The following SYCP2 variants were observed in gnomAD, a reference collection of about 807,000 sequenced individuals.
The protein encoded by SYCP2 is synaptonemal complex protein 2, also known as synaptonemal complex lateral element protein.
SYCP2 carries 55 observed loss-of-function variants against 211.3 expected under a neutral mutation model. The ratio of observed to expected loss-of-function variants is 0.26; its 90% confidence interval spans 0.21 to 0.33. The LOEUF (loss-of-function observed/expected upper bound fraction) is 0.33, where lower values mean the gene tolerates loss of function less well. Among genes scored for constraint, SYCP2 ranks in the 10% least tolerant of loss-of-function variants. The probability of loss-of-function intolerance (pLI) is 1.00; values close to 1 mark genes in which losing one functional copy is unlikely to be tolerated. For synonymous variants in SYCP2, 570 were observed against 555.2 expected (o/e 1.03, Z -0.37); for missense variants, 1,731 against 1,752.0 (o/e 0.99, Z 0.21).
In SYCP2 at chr20:59,863,637, C is replaced by T. The variant is rs939917422; in HGVS notation, c.*674G>A. On this transcript the variant is annotated 3_prime_UTR_variant, in exon 45 of 45. Coordinates refer to ENST00000357552, the MANE Select transcript of SYCP2 (RefSeq NM_014258.4). Reference sequence around the variant, plus strand: ...ATTAAAAGCAAATCAAATGTATACTCATTTTTATAAATTAATCTAGCAAGA... The same window carrying T: ...ATTAAAAGCAAATCAAATGTATACTTATTTTTATAAATTAATCTAGCAAGA... 3.9e-5 allele frequency: 6 copies of T among 152,032 alleles called. No individual in the cohort carries two copies. Among genetic ancestry groups the T allele is most frequent in the Admixed American group, 3.3e-4 (5 of 15,262 alleles). 9.4% of individuals were successfully genotyped at this position (152,032 alleles called of 1,614,324 possible).
intron 15 of SYCP2, among the ~76,000 whole-genome samples, chr20:59,906,876 T>C (rs1056667246): frequency 6.6e-6 from 1 of 152,090 alleles, no homozygotes; most frequent in Admixed American, 6.5e-5. Flanking sequence ...AATATATGAA[T>C]GGCCAGAAAG....
intron 32 of SYCP2, 139 bp from the exon 33 acceptor site, chr20:59,877,694 T>C: frequency 1.3e-6 from 1 of 747,622 alleles, no homozygotes; most frequent in Non-Finnish European, 2.1e-6. Context: ...TACTTTAAAT[T>C]AATGGATTTT....
chr20:59,900,051 A>G (rs780993153), intron 18 of SYCP2, 87 bp downstream of exon 18: 3 of 1,377,388 alleles, frequency 2.2e-6, no homozygotes, highest in African/African-American at 2.9e-5. Flanking sequence ...TAATATATAA[A>G]TTCTAGATGC....
At chr20:59,915,698 ATATAAAG>A in intron 8 of SYCP2, 148 bp from the exon 9 acceptor site, 1 of 573,722 alleles carries the variant, frequency 1.7e-6, no homozygotes, top group Non-Finnish European at 3.1e-6. Context: ...AGGAAAGAAT[ATATAAAG>A]TATAAAATAG....
At chr20:59,924,844 C>G (rs1445500152) in intron 2 of SYCP2, among the ~76,000 whole-genome samples, 1 of 151,924 alleles carries the variant, frequency 6.6e-6, no homozygotes, top group East Asian at 1.9e-4. Context: ...AGAAACAGAC[C>G]TATACACATG....
chr20:59,930,601 T>C (rs145453232), intron 2 of SYCP2, among the ~76,000 whole-genome samples: 109 of 152,312 alleles, frequency 7.2e-4, no homozygotes, highest in African/African-American at 2.5e-3. Context: ...GAACATTCTG[T>C]AGTAGTAAGC....
At chr20:59,907,333 G>C in intron 15 of SYCP2, 31 bp downstream of exon 15, 1 of 1,441,802 alleles carries the variant, frequency 6.9e-7, no homozygotes, top group East Asian at 2.3e-5. Flanking sequence ...TAAGAATTAA[G>C]AAAATTATTA....
At chr20:59,931,143 T>G (rs2060732633) in intron 2 of SYCP2, among the ~76,000 whole-genome samples, 1 of 152,236 alleles carries the variant, frequency 6.6e-6, no homozygotes, top group South Asian at 2.1e-4. Context: ...CCTTGGCTGG[T>G]GGCTTATGTC....
intron 35 of SYCP2, among the ~76,000 whole-genome samples, chr20:59,872,762 A>G (rs566306605): frequency 6.6e-6 from 1 of 152,096 alleles, no homozygotes; most frequent in African/African-American, 2.4e-5. Flanking sequence ...AGAACTACAC[A>G]CATTTTCTAG....
At chr20:59,919,872 A>ATAATAGAAGGAAG (rs2060508903) in intron 5 of SYCP2, among the ~76,000 whole-genome samples, 1 of 151,608 alleles carries the variant, frequency 6.6e-6, no homozygotes, top group Non-Finnish European at 1.5e-5. Context: ...TACGTTTATT[A>ATAATAGAAGGAAG]TAATAGAAGG....
chr20:59,906,447 G>A (rs922931998), intron 15 of SYCP2, among the ~76,000 whole-genome samples: 5 of 151,904 alleles, frequency 3.3e-5, no homozygotes, highest in East Asian at 1.9e-4. Context: ...AAATCCAATG[G>A]AAAAGAAAAG....
intron 26 of SYCP2, among the ~76,000 whole-genome samples, chr20:59,884,593 T>C (rs371585308): frequency 2.0e-5 from 3 of 152,058 alleles, no homozygotes; most frequent in Non-Finnish European, 4.4e-5. Flanking sequence ...TTGCATTATT[T>C]TAAAAAGGTT....
rs768456686 is a variant in SYCP2, at chr20:59,877,415, T to C, written c.3120A>G (p.Ser1040=). ...NSESECEQEF[S]HSFKENIPVK... The stretch of plus-strand genomic sequence containing the variant: ...CTGGTATGTTCTCTTTAAATGAATG[T>C]GAAAATTCTTGTTCACACTCTGATT... Residue 1040 remains serine (S), a synonymous_variant, in exon 33 of 45, where the codon TCA becomes TCG. Coordinates refer to ENST00000357552, the MANE Select transcript of SYCP2 (RefSeq NM_014258.4). 1 of 1,591,592 alleles carries C rather than the reference T, an allele frequency of 6.3e-7. No homozygotes were observed.
At chr20:59,900,533 C>G (rs1444044600) in intron 17 of SYCP2, among the ~76,000 whole-genome samples, 1 of 152,060 alleles carries the variant, frequency 6.6e-6, no homozygotes, top group Non-Finnish European at 1.5e-5. Context: ...TTTAAAGTTA[C>G]TAAACTGATA....
chr20:59,875,573 C>A (rs2145637009), intron 33 of SYCP2, 104 bp from the exon 34 acceptor site: 2 of 807,374 alleles, frequency 2.5e-6, no homozygotes, highest in South Asian at 2.0e-5. Context: ...TGTATATTAC[C>A]ACATACAGGC....
At chr20:59,893,220 A>G in intron 21 of SYCP2, 21 bp from the exon 22 acceptor site, 1 of 1,545,124 alleles carries the variant, frequency 6.5e-7, no homozygotes, top group South Asian at 1.2e-5. Context: ...CAAATATTAT[A>G]ATATTTTCAT....
chr20:59,926,848 C>A (rs1216675080), intron 2 of SYCP2, among the ~76,000 whole-genome samples: 1 of 152,118 alleles, frequency 6.6e-6, no homozygotes, highest in Non-Finnish European at 1.5e-5. Flanking sequence ...GGCAGCAATG[C>A]CATTACAGGG....
chr20:59,930,616 T>C (rs138017873), intron 2 of SYCP2, among the ~76,000 whole-genome samples: 106 of 152,334 alleles, frequency 7.0e-4, no homozygotes, highest in African/African-American at 2.5e-3. Context: ...GTAAGCAATC[T>C]ATATTAATAT....
rs559784556 is a variant in SYCP2 at position 59,932,138 on chromosome 20, A to AGAT, written c.-126_-124dup. On this transcript the variant is annotated 5_prime_UTR_variant, in exon 2 of 45. Transcript: ENST00000357552. The stretch of plus-strand genomic sequence containing the variant: ...TAGCGAGCAACACAGAGAACTAGTA[A>AGAT]GATGATGATTGTGTATCTGCAGGCA... 1.3e-5 allele frequency: 2 copies of AGAT among 152,204 alleles called. No homozygotes were observed. Among genetic ancestry groups the AGAT allele is most frequent in the African/African-American group, 4.8e-5 (2 of 41,450 alleles). 9.4% of individuals were successfully genotyped at this position (152,204 alleles called of 1,614,324 possible). A position where few individuals can be genotyped will look rare whatever the true frequency, so the allele number is the denominator to read the frequency against.
Sources: gnomAD v4.1 joint callset for allele counts (sites outside exome capture counted in the v4.1 genomes callset) on GRCh38, gnomAD v4.1.1 for gene constraint, MANE v1.5 for transcripts, NCBI Gene and HGNC (gene_info 2026-07-23, HGNC 2026-07-21) for gene names.